WRAP53: variants seen among roughly 807,000 people sequenced by gnomAD.
The protein encoded by WRAP53 is telomerase Cajal body protein 1.
A neutral mutation model predicts 56.6 loss-of-function variants in WRAP53; 28 were observed. The observed-to-expected ratio is 0.50, with a 90% CI of 0.37 to 0.68. WRAP53 has a LOEUF of 0.68. WRAP53 is among the 30% of genes least tolerant of loss of function. The pLI is 0.00. For synonymous variants in WRAP53, 283 were observed against 283.4 expected (o/e 1.00, Z 0.01); for missense variants, 671 against 715.5 (o/e 0.94, Z 0.71).
rs768980776 is a variant in WRAP53, at chr17:7,689,706, G to A, written c.642+5G>A. On this transcript the variant is annotated splice_donor_5th_base_variant and intron_variant, in intron 4 of 10. Transcript: ENST00000396463. ...CAGGTGGAATATGCAGAAATGGTAA[G>A]GACTGGGGCTAACTGCCTCTTCATC... 1 of 1,608,006 alleles carries A rather than the reference G, an allele frequency of 6.2e-7. No individual in the cohort carries two copies. Among genetic ancestry groups the A allele is most frequent in the Non-Finnish European group, 8.5e-7 (1 of 1,174,594 alleles).
chr17:7,694,247 T>C (rs1459877696), intron 4 of WRAP53, among the ~76,000 whole-genome samples: 88 of 144,586 alleles, frequency 6.1e-4, no homozygotes, highest in African/African-American at 2.2e-3. Context: ...TCTTTCTTTT[T>C]TTTTTTTTTT....
In WRAP53 at chr17:7,694,053, C is replaced by T. The variant is rs1243830382; in HGVS notation, c.642+4352C>T. On this transcript the variant is annotated intron_variant, in intron 4 of 10. Coordinates refer to ENST00000396463, the MANE Select transcript of WRAP53 (RefSeq NM_001143992.2). ...ATCCCGACACTTTGGGAGGCCGAGG[C>T]GGGTGGATCACCTAAGGTCAGGAGT... 3.3e-5 allele frequency among the ~76,000 whole-genome samples: 5 copies of T among 151,926 alleles called. No individual in the cohort carries two copies. In the South Asian group the frequency reaches 6.2e-4, roughly 19 times the overall value.
At chr17:7,692,150 TAAAACAGAAGAG>T (rs2151088250) in intron 4 of WRAP53, among the ~76,000 whole-genome samples, 1 of 151,078 alleles carries the variant, frequency 6.6e-6, no homozygotes, top group African/African-American at 2.4e-5. Flanking sequence ...AAGAGAGTTT[TAAAACAGAAGAG>T]TGAATGGTTT....
At position 7,702,612 on chromosome 17, in the gene WRAP53, A is replaced by T. The variant is rs1489269812; in HGVS notation, c.1164+60A>T. On this transcript the variant is annotated intron_variant, in intron 8 of 10. Coordinates refer to ENST00000396463, the MANE Select transcript of WRAP53 (RefSeq NM_001143992.2). This position sits in a 1 kb window ranked among gnomAD's most constrained non-coding sequence, Gnocchi z 5.0. ...GGCAGCGGGGCAGGAGCAGGGATGT[A>T]GTCTGCAGTGTAGGGGAATGGGTGG... 2.5e-6 allele frequency: 4 copies of T among 1,594,348 alleles called. No individual in the cohort carries two copies. The East Asian group carries it at 9.0e-5, about 36-fold the overall frequency.
chr17:7,694,474 C>G (rs2074156016), intron 4 of WRAP53, among the ~76,000 whole-genome samples: 3 of 152,114 alleles, frequency 2.0e-5, no homozygotes, highest in Admixed American at 6.5e-5. Flanking sequence ...AACTCCCGAC[C>G]TCAAGTGATC....
In WRAP53 at chr17:7,696,290, ATTTTTT is replaced by A. The variant is rs35901058; in HGVS notation, c.643-4430_643-4425del. Among the ~76,000 whole-genome samples, 235 of 79,910 alleles carry A rather than the reference ATTTTTT, an allele frequency of 2.9e-3. 3 individuals carry two copies. The highest frequency in any genetic ancestry group is 8.7e-3 in the African/African-American group (161 of 18,538). 52.4% of individuals were successfully genotyped at this position (79,910 alleles called of 152,430 possible). ...AGAGTCAAAATGGCGGGACTCAGAG[ATTTTTT>A]TTTTTTTTTTTTTTTTTTTTGAAAT... On this transcript the variant is annotated intron_variant, in intron 4 of 10. Transcript: ENST00000396463.
rs1196964149 is a variant in WRAP53 at position 7,702,451 on chromosome 17, G to A, written c.1063G>A (p.Asp355Asn). The change falls in exon 8 of 11, where the codon GAT (aspartate) becomes AAT (asparagine). Residue 355 changes from aspartate (D) to asparagine (N), a missense_variant. Physicochemically the swap from Asp to Asn is conservative, Grantham distance 23. Coordinates refer to ENST00000396463, the MANE Select transcript of WRAP53 (RefSeq NM_001143992.2). The surrounding 1 kb of genome is among the most constrained non-coding windows in gnomAD (Gnocchi z 5.0). ...YGRSLGLYAW[D>N]DGSPLALLGG... ...CCGCTCCCTGGGTCTGTATGCCTGG[G>A]ATGATGGCTCCCCTCTCGCCTTGCT... 2.5e-6 allele frequency: 4 copies of A among 1,614,088 alleles called. No homozygotes were observed. The highest frequency in any genetic ancestry group is 1.7e-4 in the Middle Eastern group (1 of 6,060).
In WRAP53 at chr17:7,699,496, ATATATTT is replaced by A. The variant is rs2074239848; in HGVS notation, c.643-1244_643-1238del. On this transcript the variant is annotated intron_variant, in intron 4 of 10. Transcript: ENST00000396463. ...TATATTTATATATATATATATATATATATATTTATATATATATATATATATTTATATA... is the reference window on the plus strand; with the variant it reads ...TATATTTATATATATATATATATATAATATATATATATATATATTTATATA... Among the ~76,000 whole-genome samples the A allele has an allele frequency of 1.6e-4, 2 of 12,202 alleles. 1 individual carries two copies. Among genetic ancestry groups the A allele is most frequent in the Non-Finnish European group, 2.7e-4 (2 of 7,538 alleles). The allele number at this position is 12,202 out of a possible 152,430, so 8.0% of individuals were successfully genotyped here.
rs2074304607 is a variant in WRAP53, at chr17:7,703,451, G to A, written c.1612G>A (p.Gly538Arg). Reference protein sequence around the residue: ...PDDHQGEKGQGGTEGGVGELI With the variant: ...PDDHQGEKGQRGTEGGVGELI ...TGATCACCAGGGCGAGAAAGGGCAGGGAGGAACGGAGGGAGGTGTGGGTGA... is the reference window on the plus strand; with the variant it reads ...TGATCACCAGGGCGAGAAAGGGCAGAGAGGAACGGAGGGAGGTGTGGGTGA... Residue 538 changes from glycine to arginine, a missense_variant, in exon 11 of 11, where the codon GGA (glycine) becomes AGA (arginine). By Grantham distance (125) the Gly-to-Arg change is moderately radical (BLOSUM62 -2). Transcript: ENST00000396463. 6.2e-7 allele frequency: 1 copy of A among 1,613,736 alleles called. No individual in the cohort carries two copies. The highest frequency in any genetic ancestry group is 1.7e-5 in the Admixed American group (1 of 59,988).
At chr17:7,693,338 C>T (rs778787404) in intron 4 of WRAP53, among the ~76,000 whole-genome samples, 6 of 152,114 alleles carry the variant, frequency 3.9e-5, no homozygotes, top group Non-Finnish European at 7.3e-5. Context: ...AGTTAAATGA[C>T]TATAGTTTCT....
Position 7,688,523 on chromosome 17 carries a change from G to C in WRAP53, c.-40G>C. 1 of 1,010,308 alleles carries C rather than the reference G, an allele frequency of 9.9e-7. No homozygotes were observed. Among genetic ancestry groups the C allele is most frequent in the Non-Finnish European group, 1.5e-6 (1 of 689,568 alleles). The allele number at this position is 1,010,308 out of a possible 1,614,324, so 62.6% of individuals were successfully genotyped here. A position where few individuals can be genotyped will look rare whatever the true frequency, so the allele number is the denominator to read the frequency against. On this transcript the variant is annotated 5_prime_UTR_variant, in exon 1 of 11. Transcript: ENST00000396463. ...GTCCGCTGTTCGCCTCTCCTCCCGG[G>C]AGTCTTCTGCCTACTCCCAGAAGAG...
chr17:7,689,961 T>G (rs2151086466), intron 4 of WRAP53, among the ~76,000 whole-genome samples: 1 of 152,344 alleles, frequency 6.6e-6, no homozygotes, highest in Admixed American at 6.5e-5. Context: ...TATTTCTTAT[T>G]TTTTTGAGAC....
Position 7,702,102 on chromosome 17 carries a change from C to A in WRAP53, c.956-242C>A. ...ATTCCGTTTTCCTGTAGGCCTTCAA[C>A]TTGCATCTCTCCAAGGAAGAACTGG... On this transcript the variant is annotated intron_variant, in intron 7 of 10. Transcript: ENST00000396463. The surrounding 1 kb of genome is among the most constrained non-coding windows in gnomAD (Gnocchi z 5.0). 2.8e-6 allele frequency: 2 copies of A among 702,968 alleles called. No homozygotes were observed. Among genetic ancestry groups the A allele is most frequent in the Non-Finnish European group, 2.5e-6 (1 of 397,350 alleles). 43.5% of individuals were successfully genotyped at this position (702,968 alleles called of 1,614,324 possible). A position where few individuals can be genotyped will look rare whatever the true frequency, so the allele number is the denominator to read the frequency against.
chr17:7,686,663 ATGC>A (rs1282024320), upstream of WRAP53: 1 of 152,280 alleles, frequency 6.6e-6, no homozygotes, highest in Non-Finnish European at 1.5e-5. Flanking sequence ...GAAACCGGAA[ATGC>A]TGCTGCAAGA....
upstream of WRAP53, chr17:7,687,913 A>G (rs1424303227): frequency 3.5e-6 from 1 of 287,520 alleles, no homozygotes; most frequent in Non-Finnish European, 6.4e-6. Flanking sequence ...TCTCCCAGAT[A>G]CTTTATATCA....
chr17:7,696,448 G>T (rs987556070), intron 4 of WRAP53, among the ~76,000 whole-genome samples: 4 of 151,888 alleles, frequency 2.6e-5, no homozygotes, highest in Non-Finnish European at 5.9e-5. Flanking sequence ...ACAGGCGCCC[G>T]CCACCACGCC....
intron 4 of WRAP53, 90 bp from the exon 5 acceptor site, chr17:7,700,651 A>T (rs2074261213): frequency 5.9e-6 from 5 of 843,484 alleles, no homozygotes; most frequent in Non-Finnish European, 1.0e-5. Flanking sequence ...CTCCATATAT[A>T]CACCCCATCT....
At chr17:7,699,541 C>A (rs1175094870) in intron 4 of WRAP53, among the ~76,000 whole-genome samples, 2 of 53,568 alleles carry the variant, frequency 3.7e-5, no homozygotes, top group African/African-American at 1.3e-4. Flanking sequence ...TATATATATT[C>A]CTAAGGAAAT....
At chr17:7,699,952 T>C (rs546858387) in intron 4 of WRAP53, among the ~76,000 whole-genome samples, 2 of 151,840 alleles carry the variant, frequency 1.3e-5, no homozygotes, top group South Asian at 2.1e-4. Flanking sequence ...AGGCTGGTCT[T>C]GAACTCCTGG....
Sources: gnomAD v4.1 joint callset for allele counts (sites outside exome capture counted in the v4.1 genomes callset) on GRCh38, gnomAD v4.1.1 for gene constraint, Gnocchi (gnomAD v3.1) non-coding constraint, MANE v1.5 for transcripts, NCBI Gene and HGNC (gene_info 2026-07-23, HGNC 2026-07-21) for gene names.